ANLN: variants seen among roughly 807,000 people sequenced by gnomAD.
ANLN encodes the protein anillin.
In ANLN, 59 loss-of-function variants were observed where a neutral mutation model predicts 135.1. That is an observed-to-expected ratio of 0.44 (90% CI 0.35 to 0.54). The LOEUF is 0.54. ANLN is among the 20% of genes least tolerant of loss of function. ANLN has a pLI of 0.00. For synonymous variants in ANLN, 406 were observed against 456.4 expected (o/e 0.89, Z 1.41); for missense variants, 1,182 against 1,340.0 (o/e 0.88, Z 1.84).
Position 36,394,377 on chromosome 7 carries a change from G to A in ANLN, c.19-1889G>A, listed in dbSNP as rs6965299. Among the ~76,000 whole-genome samples, 319 of 152,246 alleles carry A rather than the reference G, an allele frequency of 2.1e-3. 2 individuals are homozygous for A. Among genetic ancestry groups the A allele is most frequent in the African/African-American group, 7.2e-3 (301 of 41,550 alleles). On this transcript the variant is annotated intron_variant, in intron 1 of 23. Transcript: ENST00000265748. ...TTCTCTGGGGTCCCCTTCATCAAGA[G>A]GGGATCTGTTCAGTTGGTTGGGAGG... is the stretch of plus-strand genomic sequence containing the variant.
chr7:36,422,817 G>C lies in ANLN; in HGVS notation c.2476+8G>C. ...GTACGGTTCAGAAACCAGGTATGGT[G>C]GTGATTTTTCTAGATTGTGTGTTAA... On this transcript the variant is annotated splice_region_variant and intron_variant, in intron 14 of 23. Transcript: ENST00000265748. 1.3e-6 allele frequency: 2 copies of C among 1,584,998 alleles called. No homozygotes were observed. The highest frequency in any genetic ancestry group is 1.7e-6 in the Non-Finnish European group (2 of 1,169,888).
chr7:36,423,686 T>G, intron 14 of ANLN, 131 bp from the exon 15 acceptor site: 1 of 889,716 alleles, frequency 1.1e-6, no homozygotes, highest in Non-Finnish European at 1.5e-6. Context: ...GAAAGTTGAT[T>G]TTAGTAATTT....
intron 22 of ANLN, among the ~76,000 whole-genome samples, chr7:36,446,504 C>T (rs1056393342): frequency 6.6e-6 from 1 of 152,096 alleles, no homozygotes; most frequent in African/African-American, 2.4e-5. Context: ...GGCCTCAGGG[C>T]GCTTTTACTC....
At chr7:36,431,301 A>G (rs957784562) in intron 20 of ANLN, among the ~76,000 whole-genome samples, 2 of 152,028 alleles carry the variant, frequency 1.3e-5, no homozygotes, top group Non-Finnish European at 2.9e-5. Flanking sequence ...TGAAATTTAT[A>G]CTTTTTGTCT....
chr7:36,420,456 AC>A, intron 11 of ANLN, 140 bp from the exon 12 acceptor site: 1 of 1,267,808 alleles, frequency 7.9e-7, no homozygotes, highest in Non-Finnish European at 1.1e-6. Context: ...CCTCTCTTTC[AC>A]CAAATGAGAG....
chr7:36,417,019 C>T, intron 8 of ANLN, 61 bp from the exon 9 acceptor site: 2 of 882,614 alleles, frequency 2.3e-6, no homozygotes, highest in Non-Finnish European at 1.7e-6. Flanking sequence ...CACAAGATTC[C>T]ATAATTAGAA....
rs2116572646 is a variant in ANLN at position 36,406,185 on chromosome 7, C to T, written c.492C>T (p.Asp164=). ...RRWDNDDMTD[D]IPESSLFSPM... ...CTTTTCTGAAAACATTTTCAGATGA[C>T]ATTCCTGAAAGCTCACTCTTCTCAC... The change falls in exon 4 of 24, where the codon GAC becomes GAT. Residue 164 remains aspartate, a synonymous_variant. Transcript: ENST00000265748. 1 of 1,584,386 alleles carries T rather than the reference C, an allele frequency of 6.3e-7. No individual in the cohort carries two copies. The highest frequency in any genetic ancestry group is 8.6e-7 in the Non-Finnish European group (1 of 1,161,346).
At chr7:36,420,474 T>G in intron 11 of ANLN, 123 bp from the exon 12 acceptor site, 36 of 1,265,884 alleles carry the variant, frequency 2.8e-5, no homozygotes, top group Non-Finnish European at 3.9e-5. Flanking sequence ...AGAGTTCCAT[T>G]CTGTTGTGAA....
At position 36,396,284 on chromosome 7, in the gene ANLN, C is replaced by T. The variant is rs997141455; in HGVS notation, c.37C>T (p.Arg13Cys). The T allele has an allele frequency of 1.6e-5, 26 of 1,603,660 alleles. No homozygotes were observed. The highest frequency in any genetic ancestry group is 3.3e-4 in the Middle Eastern group (2 of 6,038). ...PFTEKLLERT[R>C]ARRENLQRKM... ...TATGTAGAAACTGCTGGAGCGAACCCGTGCCAGGCGAGAGAATCTTCAGAG... is the reference window on the plus strand; with the variant it reads ...TATGTAGAAACTGCTGGAGCGAACCTGTGCCAGGCGAGAGAATCTTCAGAG... The change falls in exon 2 of 24, where the codon CGT becomes TGT. Residue 13 changes from arginine (R) to cysteine (C), a missense_variant. Physicochemically the swap from Arg to Cys is radical, Grantham distance 180. Transcript: ENST00000265748.
chr7:36,416,975 A>G (rs1004514508), intron 8 of ANLN, 105 bp from the exon 9 acceptor site: 33 of 621,206 alleles, frequency 5.3e-5, no homozygotes, highest in African/African-American at 7.8e-5. Flanking sequence ...TTTAAAACGA[A>G]TACATAGTTT....
chr7:36,422,762 G>T lies in ANLN; in HGVS notation c.2429G>T (p.Arg810Leu). The T allele has an allele frequency of 1.9e-6, 3 of 1,613,090 alleles. No homozygotes were observed. The highest frequency in any genetic ancestry group is 2.5e-6 in the Non-Finnish European group (3 of 1,179,638). Residue 810 changes from arginine to leucine, a missense_variant, in exon 14 of 24, where the codon CGC (arginine) becomes CTC (leucine). By Grantham distance (102) the Arg-to-Leu change is moderately radical. Around this residue, in one of 3 missense-constraint regions of ANLN, gnomAD observed 1,022 missense variants for 1,134.0 expected, o/e 0.90. Transcript: ENST00000265748. Reference sequence around the variant, plus strand: ...GGATCAGTTACTTTGTCAGAAATCCGCTTGCCTCTAAAAGCAGATTTTGTC... The same window carrying T: ...GGATCAGTTACTTTGTCAGAAATCCTCTTGCCTCTAAAAGCAGATTTTGTC... ...SKGSVTLSEIRLPLKADFVCS... is the reference protein window; with the variant it reads ...SKGSVTLSEILLPLKADFVCS...
intron 20 of ANLN, among the ~76,000 whole-genome samples, chr7:36,438,667 C>T (rs1054521052): frequency 6.6e-6 from 1 of 152,190 alleles, no homozygotes; most frequent in Non-Finnish European, 1.5e-5. Context: ...CTACCATGTC[C>T]AGCCAGCCCA....
Position 36,401,791 on chromosome 7 carries a change from A to G in ANLN, c.487+2398A>G, listed in dbSNP as rs535987937. 2.5e-5 allele frequency among the ~76,000 whole-genome samples: 3 copies of G among 118,652 alleles called. 1 individual carries two copies. Among genetic ancestry groups the G allele is most frequent in the Non-Finnish European group, 5.5e-5 (3 of 54,288 alleles). The allele number at this position is 118,652 out of a possible 152,430, so 77.8% of individuals were successfully genotyped here. On this transcript the variant is annotated intron_variant, in intron 3 of 23. Coordinates refer to ENST00000265748, the MANE Select transcript of ANLN (RefSeq NM_018685.5). ...AATAACAACAACAACAAACAAATAA[A>G]TTAAAAAAAAATTGAGGACTAGCTA...
At chr7:36,396,245 C>T (rs1278344646) in intron 1 of ANLN, 21 bp from the exon 2 acceptor site, 14 of 1,547,616 alleles carry the variant, frequency 9.0e-6, no homozygotes, top group Non-Finnish European at 1.2e-5. Context: ...TGTTTTAACA[C>T]TGATATATTT....
intron 20 of ANLN, among the ~76,000 whole-genome samples, chr7:36,427,371 G>GT (rs978314154): frequency 1.3e-5 from 2 of 148,998 alleles, no homozygotes; most frequent in Non-Finnish European, 3.0e-5. Context: ...GGTTTTTTTT[G>GT]TTTTTTTGTT....
chr7:36,412,011 T>C (rs977732683), intron 7 of ANLN, among the ~76,000 whole-genome samples: 4 of 152,138 alleles, frequency 2.6e-5, no homozygotes, highest in African/African-American at 7.2e-5. Flanking sequence ...TATCTTCCCC[T>C]TGTAGTCTCT....
At chr7:36,412,161 A>G (rs1344954825) in intron 7 of ANLN, among the ~76,000 whole-genome samples, 3 of 151,548 alleles carry the variant, frequency 2.0e-5, no homozygotes, top group African/African-American at 7.3e-5. Flanking sequence ...ACGTGCAGTG[A>G]TAAGTTTTCT....
chr7:36,420,747 A>G lies in ANLN; in HGVS notation c.2163+3A>G. 1.9e-6 allele frequency: 3 copies of G among 1,613,736 alleles called. No homozygotes were observed. The highest frequency in any genetic ancestry group is 1.7e-4 in the Middle Eastern group (1 of 6,052). ...TTAATATCAAACAGAAAATGCAGGT[A>G]TGTACTTTTGTGGAAAGGGGCTTTG... On this transcript the variant is annotated splice_donor_region_variant and intron_variant, in intron 12 of 23. Transcript: ENST00000265748.
chr7:36,399,142 T>C lies in ANLN; in HGVS notation c.236T>C (p.Val79Ala). ...KRCSDNTEVE[V>A]SNLENKQPVE... ...TGTTCTGACAACACTGAAGTAGAAG[T>C]TTCTAACTTGGAAAATAAACAACCA... The change falls in exon 3 of 24, where the codon GTT (valine) becomes GCT (alanine). Residue 79 changes from valine to alanine, a missense_variant. Around this residue, in one of 3 missense-constraint regions of ANLN, gnomAD observed 1,022 missense variants for 1,134.0 expected, o/e 0.90. Transcript: ENST00000265748. The C allele has an allele frequency of 6.2e-7, 1 of 1,614,046 alleles. No homozygotes were observed. The highest frequency in any genetic ancestry group is 1.1e-5 in the South Asian group (1 of 91,070).
Sources: allele counts gnomAD v4.1 joint callset (sites outside exome capture counted in the v4.1 genomes callset), GRCh38; gene constraint gnomAD v4.1.1; regional missense constraint gnomAD v4.1.1; transcripts MANE v1.5; gene names NCBI Gene and HGNC (gene_info 2026-07-23, HGNC 2026-07-21).